ADAP1: variants seen among roughly 807,000 people sequenced by gnomAD.
The protein encoded by ADAP1 is ArfGAP with dual PH domains 1.
ADAP1 carries 31 observed loss-of-function variants against 54.9 expected under a neutral mutation model. That is an observed-to-expected ratio of 0.56 (90% CI 0.42 to 0.76). ADAP1 has a LOEUF of 0.76. ADAP1 is among the 30% of genes least tolerant of loss of function. The pLI, the probability that ADAP1 is intolerant of heterozygous loss-of-function variation, is 0.00. For missense variants in ADAP1, 535 were observed against 512.4 expected, an observed-to-expected ratio of 1.04 and a Z score of -0.42; for synonymous variants, 313 against 202.6, an observed-to-expected ratio of 1.55 and a Z score of -4.63.
chr7:905,272 CGGGGGACACGGACG>C, intron 4 of ADAP1, 100 bp from the exon 5 acceptor site: 1 of 318,420 alleles, frequency 3.1e-6, no homozygotes, highest in Non-Finnish European at 5.2e-6. Flanking sequence ...GGAGAAGACA[CGGGGGACACGGACG>C]GGGGACACGG....
chr7:919,961 G>T lies in ADAP1; in HGVS notation c.388+7C>A. On this transcript the variant is annotated splice_region_variant and intron_variant, in intron 4 of 10. Coordinates refer to ENST00000265846, the MANE Select transcript of ADAP1 (RefSeq NM_006869.4). ...CGGGAGGCCCCACCCCACCCGGGTG[G>T]CCTCACCTGCCGAGTAGGGCTCCTG... 6.2e-7 allele frequency: 1 copy of T among 1,601,088 alleles called. No homozygotes were observed. Among genetic ancestry groups the T allele is most frequent in the South Asian group, 1.1e-5 (1 of 90,734 alleles).
intron 4 of ADAP1, among the ~76,000 whole-genome samples, chr7:911,298 G>C (rs954612395): frequency 1.2e-4 from 19 of 152,096 alleles, no homozygotes; most frequent in African/African-American, 4.3e-4. Flanking sequence ...CAGGCCTGGA[G>C]AGACCCCCCC....
intron 2 of ADAP1, chr7:927,139 A>G: frequency 2.3e-6 from 3 of 1,303,798 alleles, no homozygotes; most frequent in Non-Finnish European, 3.0e-6. Flanking sequence ...GCTAGGACAG[A>G]GTCTCTGAGG....
Position 898,859 on chromosome 7 carries a change from C to G in ADAP1, c.*62G>C. On this transcript the variant is annotated 3_prime_UTR_variant, in exon 11 of 11. Coordinates refer to ENST00000265846, the MANE Select transcript of ADAP1 (RefSeq NM_006869.4). Reference sequence around the variant, plus strand: ...CCTCAGGACGCCAGAGCCCCCCCATCCACGGGTCCCCTCCGTCCAGCCACA... The same window carrying G: ...CCTCAGGACGCCAGAGCCCCCCCATGCACGGGTCCCCTCCGTCCAGCCACA... 6.4e-7 allele frequency: 1 copy of G among 1,555,364 alleles called. No individual in the cohort carries two copies. Among genetic ancestry groups the G allele is most frequent in the Non-Finnish European group, 8.7e-7 (1 of 1,152,214 alleles).
chr7:919,158 A>G (rs1445650411), intron 4 of ADAP1, among the ~76,000 whole-genome samples: 1 of 152,224 alleles, frequency 6.6e-6, no homozygotes, highest in African/African-American at 2.4e-5. Flanking sequence ...GCACCCAGGC[A>G]GGCCTAGGGG....
At chr7:905,273 G>A (rs528750698) in intron 4 of ADAP1, 101 bp from the exon 5 acceptor site, 6,710 of 510,174 alleles carry the variant, frequency 0.013, 246 homozygotes, top group African/African-American at 0.12. Context: ...GAGAAGACAC[G>A]GGGGACACGG....
At chr7:923,678 G>A (rs371873155) in intron 3 of ADAP1, among the ~76,000 whole-genome samples, 72 of 152,282 alleles carry the variant, frequency 4.7e-4, no homozygotes, top group Middle Eastern at 3.4e-3. Flanking sequence ...GACCTGCCTG[G>A]AGGGACCCCA....
intron 2 of ADAP1, among the ~76,000 whole-genome samples, chr7:928,763 TC>T (rs1048170416): frequency 5.3e-5 from 8 of 152,208 alleles, no homozygotes; most frequent in African/African-American, 1.9e-4. Context: ...GGTGGGAACC[TC>T]CGGCTCTGGT....
chr7:950,195 A>C (rs1053920576), intron 1 of ADAP1, among the ~76,000 whole-genome samples: 1 of 152,202 alleles, frequency 6.6e-6, no homozygotes, highest in Non-Finnish European at 1.5e-5. Flanking sequence ...TCACAAAAGA[A>C]TGAATACCAG....
In ADAP1 at chr7:906,847, G is replaced by C. The variant is rs145979822; in HGVS notation, c.389-1675C>G. Among the ~76,000 whole-genome samples, 280 of 150,750 alleles carry C rather than the reference G, an allele frequency of 1.9e-3. 3 individuals carry two copies. The East Asian group carries it at 0.026, about 14-fold the overall frequency. Reference sequence around the variant, plus strand: ...GATGGTGATGGTGGATGGTTGGTGAGGGGATATGACAGTGGACCAGCGCTG... The same window carrying C: ...GATGGTGATGGTGGATGGTTGGTGACGGGATATGACAGTGGACCAGCGCTG... On this transcript the variant is annotated intron_variant, in intron 4 of 10. Transcript: ENST00000265846.
intron 4 of ADAP1, 121 bp from the exon 5 acceptor site, chr7:905,293 A>AGACGGG (rs1382160734): frequency 3.8e-6 from 1 of 265,598 alleles, no homozygotes; most frequent in African/African-American, 8.1e-5. Context: ...GACGGGGGAC[A>AGACGGG]CGGACAGGGG....
intron 1 of ADAP1, among the ~76,000 whole-genome samples, chr7:949,877 C>A (rs781382126): frequency 6.6e-6 from 1 of 152,236 alleles, no homozygotes; most frequent in Non-Finnish European, 1.5e-5. Context: ...GTAGGGGAAA[C>A]CTGTCTAGCA....
chr7:905,827 AGAAGGGAGAAG>A (rs1845235105), intron 4 of ADAP1, among the ~76,000 whole-genome samples: 1 of 42,270 alleles, frequency 2.4e-5, no homozygotes, highest in Non-Finnish European at 6.1e-5. Flanking sequence ...GGGAGAAGGG[AGAAGGGAGAAG>A]GGAGAAGGGA....
In ADAP1 at chr7:954,439, C is replaced by G; in HGVS notation, c.39G>C (p.Leu13=). The stretch of plus-strand genomic sequence containing the variant: ...CGCAGCGCGCGTTCCCCGGCCGCTG[C>G]AGCAGCTCCAGGACCGCCCTGCGCC... ...KERRRAVLEL[L]QRPGNARCAD... Residue 13 remains leucine (L), a synonymous_variant, in exon 1 of 11, where the codon CTG becomes CTC. Coordinates refer to ENST00000265846, the MANE Select transcript of ADAP1 (RefSeq NM_006869.4). 8.8e-7 allele frequency: 1 copy of G among 1,136,912 alleles called. No individual in the cohort carries two copies. Among genetic ancestry groups the G allele is most frequent in the Non-Finnish European group, 1.1e-6 (1 of 915,596 alleles). The allele number at this position is 1,136,912 out of a possible 1,614,324, so 70.4% of individuals were successfully genotyped here.
At chr7:935,603 G>GC in intron 1 of ADAP1, 98 bp from the exon 2 acceptor site, 2 of 1,458,272 alleles carry the variant, frequency 1.4e-6, no homozygotes, top group African/African-American at 1.4e-5. Flanking sequence ...CCATGCAGTG[G>GC]GGGGGGCTTC....
chr7:937,122 C>CGGCCTCTGG, intron 1 of ADAP1, among the ~76,000 whole-genome samples: 1 of 96,204 alleles, frequency 1.0e-5, no homozygotes, highest in Admixed American at 9.7e-5. Context: ...GGGTCACGCC[C>CGGCCTCTGG]GACCTCTGGG....
intron 4 of ADAP1, among the ~76,000 whole-genome samples, chr7:913,198 CTTTTTTT>C (rs10698107): frequency 3.8e-5 from 4 of 104,212 alleles, no homozygotes; most frequent in Middle Eastern, 6.8e-3. Context: ...CCTCCCCTTC[CTTTTTTT>C]TTTTTTTTTT....
intron 4 of ADAP1, among the ~76,000 whole-genome samples, chr7:918,547 G>C (rs958023843): frequency 3.3e-5 from 5 of 152,046 alleles, no homozygotes; most frequent in South Asian, 2.1e-4. Flanking sequence ...TCTTACACAA[G>C]GGCAGTGGGG....
At chr7:914,250 G>A (rs1583150794) in intron 4 of ADAP1, among the ~76,000 whole-genome samples, 1 of 152,236 alleles carries the variant, frequency 6.6e-6, no homozygotes, top group Admixed American at 6.5e-5. Flanking sequence ...CCAACGTGGG[G>A]TTGTGGGTGT....
Sources: allele counts gnomAD v4.1 joint callset (sites outside exome capture counted in the v4.1 genomes callset), GRCh38; gene constraint gnomAD v4.1.1; transcripts MANE v1.5; gene names NCBI Gene and HGNC (gene_info 2026-07-23, HGNC 2026-07-21).